Variants in FAM222A observed in about 807,000 individuals in gnomAD.
The protein encoded by FAM222A is family with sequence similarity 222 member A.
Under a neutral mutation model 25.8 loss-of-function variants are expected in FAM222A, and 7 were observed. The ratio of observed to expected loss-of-function variants is 0.27; its 90% CI spans 0.15 to 0.51. FAM222A has a LOEUF of 0.51. Among genes scored for constraint, FAM222A ranks in the 20% least tolerant of loss-of-function variants. The pLI, the probability that FAM222A is intolerant of heterozygous loss-of-function variation, is 0.97. For synonymous variants in FAM222A, 294 were observed against 298.8 expected, an observed-to-expected ratio of 0.98 and a Z score of 0.17; for missense variants, 573 against 640.5, an observed-to-expected ratio of 0.89 and a Z score of 1.14.
At position 109,770,102 on chromosome 12, in the gene FAM222A, C is replaced by T. The variant is rs142425236; in HGVS notation, c.*814C>T. On this transcript the variant is annotated 3_prime_UTR_variant, in exon 3 of 3. Transcript: ENST00000538780. ...GAGGAAGGGGCGTCATTTTCCTGTT[C>T]GCACAAAGGCACCACAGGGGCTAAC... 6.8e-3 allele frequency: 1,034 copies of T among 152,378 alleles called. 10 individuals are homozygous for T. Among genetic ancestry groups the T allele is most frequent in the South Asian group, 0.011 (54 of 4,832 alleles). 9.4% of individuals were successfully genotyped at this position (152,378 alleles called of 1,614,324 possible).
At chr12:109,749,102 T>G (rs777715541) in intron 2 of FAM222A, among the ~76,000 whole-genome samples, 18 of 152,164 alleles carry the variant, frequency 1.2e-4, no homozygotes, top group Admixed American at 3.3e-4. Flanking sequence ...GTGTGTGTGT[T>G]TGTTTGTTTG....
intron 1 of FAM222A, among the ~76,000 whole-genome samples, chr12:109,730,626 T>C (rs897897159): frequency 1.3e-5 from 2 of 152,148 alleles, no homozygotes; most frequent in Non-Finnish European, 2.9e-5. Context: ...CTGTCTGACC[T>C]GGGATTGGGG....
rs1023560604 is a variant in FAM222A, at chr12:109,714,826, A to G, written c.-118A>G. On this transcript the variant is annotated 5_prime_UTR_variant, in exon 1 of 3. It removes an upstream start codon present in the reference 5' UTR. Coordinates refer to ENST00000538780, the MANE Select transcript of FAM222A (RefSeq NM_032829.3). This position sits in a 1 kb window ranked among gnomAD's most constrained non-coding sequence, Gnocchi z 4.2. ...GTCAGGCAGCCTCTGCCACTCCTGC[A>G]TGGCTGCGACCCGTCGAGCGGAGCG... 1 of 152,374 alleles carries G rather than the reference A, an allele frequency of 6.6e-6. No individual in the cohort carries two copies. Among genetic ancestry groups the G allele is most frequent in the East Asian group, 1.9e-4 (1 of 5,192 alleles). The allele number at this position is 152,374 out of a possible 1,614,324, so 9.4% of individuals were successfully genotyped here.
intron 2 of FAM222A, among the ~76,000 whole-genome samples, chr12:109,758,107 G>A (rs995286992): frequency 1.3e-5 from 2 of 152,232 alleles, no homozygotes; most frequent in East Asian, 1.9e-4. Flanking sequence ...TGTGGAAGGT[G>A]CGTGTGGATA....
At chr12:109,752,534 G>A (rs896998060) in intron 2 of FAM222A, among the ~76,000 whole-genome samples, 20 of 152,230 alleles carry the variant, frequency 1.3e-4, no homozygotes, top group African/African-American at 4.1e-4. Context: ...CAGACCTGGG[G>A]CCATGCTGTG....
chr12:109,722,056 A>C (rs1887756559), intron 1 of FAM222A, among the ~76,000 whole-genome samples: 1 of 151,606 alleles, frequency 6.6e-6, no homozygotes, highest in African/African-American at 2.4e-5. Flanking sequence ...CAGACAGGGG[A>C]GCCCTCCCAG....
intron 1 of FAM222A, among the ~76,000 whole-genome samples, chr12:109,732,872 G>T (rs1566186940): frequency 6.6e-6 from 1 of 152,268 alleles, no homozygotes; most frequent in Non-Finnish European, 1.5e-5. Context: ...GCCACCCTGA[G>T]TGCCTACTGT....
Position 109,713,905 on chromosome 12 carries a change from G to T in FAM222A, c.-1039G>T, listed in dbSNP as rs1234778462. On this transcript the variant is annotated 5_prime_UTR_variant, in exon 1 of 3. Transcript: ENST00000538780. ...AGGCTGCGCGCGCCGGCCGGGGGAG[G>T]CGGACAGCCGGGCCCGGCGCCTGTG... is the stretch of plus-strand genomic sequence containing the variant. Among the ~76,000 whole-genome samples the T allele has an allele frequency of 3.4e-5, 5 of 146,972 alleles. No homozygotes were observed. The East Asian group carries it at 9.9e-4, about 29-fold the overall frequency.
intron 2 of FAM222A, among the ~76,000 whole-genome samples, chr12:109,760,896 T>C (rs1888873126): frequency 6.6e-6 from 1 of 152,032 alleles, no homozygotes; most frequent in Non-Finnish European, 1.5e-5. Context: ...CCTCAGCAGC[T>C]CAGACTCACG....
intron 2 of FAM222A, among the ~76,000 whole-genome samples, chr12:109,750,264 G>C (rs534518571): frequency 1.3e-5 from 2 of 152,246 alleles, no homozygotes; most frequent in East Asian, 1.9e-4. Flanking sequence ...TGATGAAATT[G>C]GTAGATTTTT....
In FAM222A at chr12:109,769,192, C is replaced by T. The variant is rs892898069; in HGVS notation, c.1263C>T (p.Ile421=). 2.2e-5 allele frequency: 36 copies of T among 1,612,310 alleles called. No homozygotes were observed. Among genetic ancestry groups the T allele is most frequent in the Non-Finnish European group, 3.0e-5 (35 of 1,179,808 alleles). The change falls in exon 3 of 3, where the codon ATC becomes ATT. Residue 421 remains isoleucine, a synonymous_variant. Coordinates refer to ENST00000538780, the MANE Select transcript of FAM222A (RefSeq NM_032829.3). ...YLINDIRPPC[I]KEQMLGKGYE... ...TCAACGACATCCGGCCGCCCTGCATCAAGGAGCAGATGCTGGGCAAGGGCT... is the reference window on the plus strand; with the variant it reads ...TCAACGACATCCGGCCGCCCTGCATTAAGGAGCAGATGCTGGGCAAGGGCT...
At chr12:109,722,741 G>C (rs182864964) in intron 1 of FAM222A, 1 of 152,154 alleles carries the variant, frequency 6.6e-6, no homozygotes, top group African/African-American at 2.4e-5. Flanking sequence ...CACACCTGGC[G>C]GGCAGTGTGG....
At chr12:109,727,853 C>G (rs1470058392) in intron 1 of FAM222A, among the ~76,000 whole-genome samples, 1 of 152,160 alleles carries the variant, frequency 6.6e-6, no homozygotes, top group Non-Finnish European at 1.5e-5. Context: ...TGAAAACCAG[C>G]AGGAAGTCTT....
intron 2 of FAM222A, among the ~76,000 whole-genome samples, chr12:109,759,618 GC>G (rs1888832888): frequency 6.6e-6 from 1 of 152,212 alleles, no homozygotes; most frequent in African/African-American, 2.4e-5. Context: ...AGCACTTCCA[GC>G]CCAGCCAGCC....
At chr12:109,757,344 G>A (rs1888759863) in intron 2 of FAM222A, among the ~76,000 whole-genome samples, 1 of 152,232 alleles carries the variant, frequency 6.6e-6, no homozygotes. Context: ...AAGTATCAGG[G>A]TTGGGGAAGG....
At position 109,769,297 on chromosome 12, in the gene FAM222A, C is replaced by T. The variant is rs762149616; in HGVS notation, c.*9C>T. 1.2e-6 allele frequency: 2 copies of T among 1,602,346 alleles called. No individual in the cohort carries two copies. The highest frequency in any genetic ancestry group is 1.3e-5 in the African/African-American group (1 of 74,586). On this transcript the variant is annotated 3_prime_UTR_variant, in exon 3 of 3. Transcript: ENST00000538780. ...TACCCGTCTACAGATAAGGCCTGCC[C>T]TGCGGACATACGGACATGCGGACAG...
At chr12:109,731,307 G>A (rs73202447) in intron 1 of FAM222A, among the ~76,000 whole-genome samples, 15,038 of 152,004 alleles carry the variant, frequency 0.099, 812 homozygotes, top group Middle Eastern at 0.22. Flanking sequence ...GTGACCCAGC[G>A]CCTACCCCAG....
chr12:109,744,935 C>A, intron 2 of FAM222A: 1 of 295,772 alleles, frequency 3.4e-6, no homozygotes, highest in Non-Finnish European at 5.0e-6. Flanking sequence ...GTCTCCAGGT[C>A]ACCGCGGTCC....
At chr12:109,754,653 G>A (rs1888662889) in intron 2 of FAM222A, among the ~76,000 whole-genome samples, 1 of 151,130 alleles carries the variant, frequency 6.6e-6, no homozygotes, top group South Asian at 2.1e-4. Flanking sequence ...CCCACAGGCA[G>A]TAGTTTGGGA....
Sources: allele counts gnomAD v4.1 joint callset (sites outside exome capture counted in the v4.1 genomes callset), GRCh38; gene constraint gnomAD v4.1.1; non-coding constraint Gnocchi (gnomAD v3.1); transcripts MANE v1.5; gene names NCBI Gene and HGNC (gene_info 2026-07-23, HGNC 2026-07-21).